ZNF646: variants seen among roughly 807,000 people sequenced by gnomAD.
The protein encoded by ZNF646 is zinc finger protein 646.
In ZNF646, 49 loss-of-function variants were observed where a neutral mutation model predicts 115.4. That is an observed-to-expected ratio of 0.42 (90% CI 0.34 to 0.54). The LOEUF is 0.54. ZNF646 is among the 20% of genes least tolerant of loss of function. The pLI is 0.04. For synonymous variants in ZNF646, 933 were observed against 939.0 expected (o/e 0.99, Z 0.12); for missense variants, 2,269 against 2,457.9 (o/e 0.92, Z 1.62).
rs763801069 is a variant in ZNF646, at chr16:31,080,507, A to C, written c.4183A>C (p.Asn1395His). ...EHEETEREPA[N>H]GQGGLDGTAA... The stretch of plus-strand genomic sequence containing the variant: ...TGAGGAGACAGAAAGGGAGCCAGCC[A>C]ATGGCCAGGGAGGCCTGGATGGCAC... Residue 1395 changes from asparagine (N) to histidine (H), a missense_variant, in exon 2 of 3, where the codon AAT (asparagine) becomes CAT (histidine). By Grantham distance (68) the Asn-to-His change is moderately conservative. This residue lies in a region of ZNF646 where 1,062 missense variants were observed against 1,172.8 expected (regional missense o/e 0.91). Coordinates refer to ENST00000300850, the MANE Select transcript of ZNF646 (RefSeq NM_014699.4). 1 of 1,614,006 alleles carries C rather than the reference A, an allele frequency of 6.2e-7. No individual in the cohort carries two copies. Among genetic ancestry groups the C allele is most frequent in the African/African-American group, 1.3e-5 (1 of 75,072 alleles).
chr16:31,080,977 C>T lies in ZNF646; in HGVS notation c.4653C>T (p.Thr1551=). The part of the protein sequence containing the change: ...CQSGSLLNHN[T]NKTDRHYCLL... ...CAGGCAGCCTCTTGAACCACAACAC[C>T]AACAAGACAGACCGACACTATTGCC... The change falls in exon 2 of 3, where the codon ACC becomes ACT. Residue 1551 remains threonine (T), a synonymous_variant. Transcript: ENST00000300850. 1 of 1,614,104 alleles carries T rather than the reference C, an allele frequency of 6.2e-7. No individual in the cohort carries two copies. Among genetic ancestry groups the T allele is most frequent in the East Asian group, 2.2e-5 (1 of 44,886 alleles).
At position 31,078,888 on chromosome 16, in the gene ZNF646, A is replaced by G. The variant is rs1194811713; in HGVS notation, c.2564A>G (p.Lys855Arg). 6.2e-7 allele frequency: 1 copy of G among 1,613,920 alleles called. No individual in the cohort carries two copies. The highest frequency in any genetic ancestry group is 1.1e-5 in the South Asian group (1 of 91,084). ...PGIYQCSLCP[K>R]EFDSLPALRS... ...ATCTATCAGTGCTCCCTCTGCCCGA[A>G]GGAGTTTGACTCTCTGCCTGCCCTC... Residue 855 changes from lysine to arginine, a missense_variant, in exon 2 of 3, where the codon AAG becomes AGG. Lys to Arg is a conservative substitution (Grantham distance 26). Transcript: ENST00000300850.
In ZNF646 at chr16:31,081,691, G is replaced by A. The variant is rs751452960; in HGVS notation, c.5367G>A (p.Val1789=). 13 of 1,584,736 alleles carry A rather than the reference G, an allele frequency of 8.2e-6. No individual in the cohort carries two copies. In the African/African-American group the frequency reaches 1.6e-4, roughly 20 times the overall value. ...HQQQHQEEWT[V]AGSGAPVAPV... ...AGCAGCACCAGGAGGAGTGGACGGT[G>A]GCCGGCTCCGGTAGGGGGCATGAAG... The change falls in exon 2 of 3, where the codon GTG becomes GTA. Residue 1789 remains valine, a synonymous_variant. Transcript: ENST00000300850.
Position 31,076,409 on chromosome 16 carries a change from C to G in ZNF646, c.85C>G (p.Leu29Val). The G allele has an allele frequency of 4.3e-6, 7 of 1,614,136 alleles. No individual in the cohort carries two copies. Among genetic ancestry groups the G allele is most frequent in the South Asian group, 1.1e-5 (1 of 91,080 alleles). Residue 29 changes from leucine to valine, a missense_variant, in exon 2 of 3, where the codon CTG becomes GTG. By Grantham distance (32) the Leu-to-Val change is conservative. This residue lies in a region of ZNF646 where 334 missense variants were observed against 323.5 expected (regional missense o/e 1.03). Coordinates refer to ENST00000300850, the MANE Select transcript of ZNF646 (RefSeq NM_014699.4). ...SLPELSRHRE[L>V]LHPSPNQDSE... ...CCCAGAGCTCTCTCGGCACCGAGAA[C>G]TGCTCCATCCATCTCCCAACCAGGA...
chr16:31,084,029 A>AGCTGGAGTGGGTTAGAACGGCACGTTCTC lies in ZNF646; in HGVS notation c.*938_*966dup, dbSNP rs1326162984. 2.9e-5 allele frequency: 44 copies of AGCTGGAGTGGGTTAGAACGGCACGTTCTC among 1,505,690 alleles called. No individual in the cohort carries two copies. Among genetic ancestry groups the AGCTGGAGTGGGTTAGAACGGCACGTTCTC allele is most frequent in the Non-Finnish European group, 3.8e-5 (43 of 1,123,250 alleles). 93.3% of individuals were successfully genotyped at this position (1,505,690 alleles called of 1,614,324 possible). ...CCTGTTGCTCCACCCTACCCAAGGC[A>AGCTGGAGTGGGTTAGAACGGCACGTTCTC]GCTGGAGTGGGTTAGAACGGCACGT... is the stretch of plus-strand genomic sequence containing the variant. On this transcript the variant is annotated 3_prime_UTR_variant, in exon 3 of 3. Transcript: ENST00000300850.
chr16:31,080,088 C>T lies in ZNF646; in HGVS notation c.3764C>T (p.Pro1255Leu), dbSNP rs781082765. ...AACCACCGGCGCATCCATGCAGATC[C>T]CCGACGTTTCCGCTGCAGCGAGTGT... ...LKNHRRIHAD[P>L]RRFRCSECGK... The change falls in exon 2 of 3, where the codon CCC becomes CTC. Residue 1255 changes from proline to leucine, a missense_variant. Coordinates refer to ENST00000300850, the MANE Select transcript of ZNF646 (RefSeq NM_014699.4). 2.5e-6 allele frequency: 4 copies of T among 1,613,234 alleles called. No homozygotes were observed. Among genetic ancestry groups the T allele is most frequent in the African/African-American group, 1.3e-5 (1 of 75,046 alleles).
rs761655839 is a variant in ZNF646, at chr16:31,079,939, C to T, written c.3615C>T (p.Cys1205=). 15 of 1,611,930 alleles carry T rather than the reference C, an allele frequency of 9.3e-6. No homozygotes were observed. Among genetic ancestry groups the T allele is most frequent in the Non-Finnish European group, 1.3e-5 (15 of 1,178,722 alleles). Reference sequence around the variant, plus strand: ...CCAGCTCTGAGCGGCCCTTCAGCTGCGAGGTGTGTGGCCGATCCTACAAGC... The same window carrying T: ...CCAGCTCTGAGCGGCCCTTCAGCTGTGAGGTGTGTGGCCGATCCTACAAGC... ...TEASSERPFS[C]EVCGRSYKHA... The change falls in exon 2 of 3, where the codon TGC becomes TGT. Residue 1205 remains cysteine (C), a synonymous_variant. Coordinates refer to ENST00000300850, the MANE Select transcript of ZNF646 (RefSeq NM_014699.4). This position sits in a 1 kb window ranked among gnomAD's most constrained non-coding sequence, Gnocchi z 5.5.
At position 31,076,677 on chromosome 16, in the gene ZNF646, A is replaced by G; in HGVS notation, c.353A>G (p.Gln118Arg). ...CCCAAGGAAGCCACTCCACACCTCC[A>G]GGGTGAGACGGTGTCCACTGACTCC... Reference protein sequence around the residue: ...PRPKEATPHLQGETVSTDSWG... With the variant: ...PRPKEATPHLRGETVSTDSWG... The change falls in exon 2 of 3, where the codon CAG (glutamine) becomes CGG (arginine). Residue 118 changes from glutamine (Q) to arginine (R), a missense_variant. By Grantham distance (43) the Gln-to-Arg change is conservative (BLOSUM62 1). Around this residue, in one of 5 missense-constraint regions of ZNF646, gnomAD observed 334 missense variants for 323.5 expected, o/e 1.03. Coordinates refer to ENST00000300850, the MANE Select transcript of ZNF646 (RefSeq NM_014699.4). 1 of 1,613,314 alleles carries G rather than the reference A, an allele frequency of 6.2e-7. No individual in the cohort carries two copies. Among genetic ancestry groups the G allele is most frequent in the East Asian group, 2.2e-5 (1 of 44,882 alleles).
chr16:31,074,004 G>GCCA (rs1221874267), upstream of ZNF646: 1 of 152,276 alleles, frequency 6.6e-6, no homozygotes, highest in African/African-American at 2.4e-5. Flanking sequence ...GGACAAAAAG[G>GCCA]CCATGCTCAA....
At chr16:31,075,696 C>T (rs2057068178) in intron 1 of ZNF646, among the ~76,000 whole-genome samples, 1 of 152,182 alleles carries the variant, frequency 6.6e-6, no homozygotes, top group Non-Finnish European at 1.5e-5. Flanking sequence ...CAAGCCAGCC[C>T]TTTCCCTGAA....
rs765553831 is a variant in ZNF646 at position 31,081,657 on chromosome 16, A to G, written c.5333A>G (p.Gln1778Arg). Residue 1778 changes from glutamine to arginine, a missense_variant, in exon 2 of 3, where the codon CAG (glutamine) becomes CGG (arginine). Coordinates refer to ENST00000300850, the MANE Select transcript of ZNF646 (RefSeq NM_014699.4). The stretch of plus-strand genomic sequence containing the variant: ...TTCCGCCGCCGAATCAGCTTCGTGC[A>G]GCACCAGCAGCAGCACCAGGAGGAG... ...RHFRRRISFV[Q>R]HQQQHQEEWT... The G allele has an allele frequency of 2.5e-6, 4 of 1,604,124 alleles. No homozygotes were observed. In the South Asian group the frequency reaches 3.3e-5, roughly 13 times the overall value.
rs2057128521 is a variant in ZNF646, at chr16:31,079,672, G to A, written c.3348G>A (p.Glu1116=). The A allele has an allele frequency of 5.0e-6, 8 of 1,613,228 alleles. No individual in the cohort carries two copies. The highest frequency in any genetic ancestry group is 1.3e-5 in the African/African-American group (1 of 74,838). The part of the protein sequence containing the change: ...GSEPQVGPIP[E]AAGSSELQVG... ...AGCCCCAGGTTGGGCCCATCCCAGA[G>A]GCAGCAGGTAGCAGTGAGCTGCAGG... is the stretch of plus-strand genomic sequence containing the variant. The change falls in exon 2 of 3, where the codon GAG becomes GAA. Residue 1116 remains glutamate (E), a synonymous_variant. Coordinates refer to ENST00000300850, the MANE Select transcript of ZNF646 (RefSeq NM_014699.4). The surrounding 1 kb of genome is among the most constrained non-coding windows in gnomAD (Gnocchi z 5.5).
Position 31,083,128 on chromosome 16 carries a change from G to C in ZNF646, c.*36G>C. On this transcript the variant is annotated 3_prime_UTR_variant, in exon 3 of 3. Coordinates refer to ENST00000300850, the MANE Select transcript of ZNF646 (RefSeq NM_014699.4). ...TCCAAAGATCAGAATCTGGGGGAGG[G>C]AGCGCGTGCAGGGAGGGGCTTGATC... 6.3e-7 allele frequency: 1 copy of C among 1,592,162 alleles called. No homozygotes were observed. The highest frequency in any genetic ancestry group is 8.5e-7 in the Non-Finnish European group (1 of 1,172,014).
At position 31,083,555 on chromosome 16, in the gene ZNF646, A is replaced by G; in HGVS notation, c.*463A>G. The G allele has an allele frequency of 1.4e-6, 2 of 1,431,080 alleles. No homozygotes were observed. The highest frequency in any genetic ancestry group is 5.9e-5 in the Admixed American group (2 of 33,746). 88.6% of individuals were successfully genotyped at this position (1,431,080 alleles called of 1,614,324 possible). Reference sequence around the variant, plus strand: ...TATCTGAAAGGGTAAAGGAGGAGGAAAGCTGAGACGCCTGCTTGGTAGCAG... The same window carrying G: ...TATCTGAAAGGGTAAAGGAGGAGGAGAGCTGAGACGCCTGCTTGGTAGCAG... On this transcript the variant is annotated 3_prime_UTR_variant, in exon 3 of 3. Transcript: ENST00000300850.
Position 31,083,210 on chromosome 16 carries a change from G to A in ZNF646, c.*118G>A. The A allele has an allele frequency of 1.4e-6, 2 of 1,425,558 alleles. No individual in the cohort carries two copies. Among genetic ancestry groups the A allele is most frequent in the Non-Finnish European group, 1.9e-6 (2 of 1,071,954 alleles). 88.3% of individuals were successfully genotyped at this position (1,425,558 alleles called of 1,614,324 possible). A position where few individuals can be genotyped will look rare whatever the true frequency, so the allele number is the denominator to read the frequency against. ...CCCATATCTTCTCCTCTCCCCTTGT[G>A]AAGAGGACCCAGATCTGGCTTCTTT... On this transcript the variant is annotated 3_prime_UTR_variant, in exon 3 of 3. Transcript: ENST00000300850.
rs1248142337 is a variant in ZNF646 at position 31,079,565 on chromosome 16, T to C, written c.3241T>C (p.Cys1081Arg). ...GATCCACCAGACTGGAGACTTTCTCTGCCCTGTCTGCTCCCGCTGCTACCC... is the reference window on the plus strand; with the variant it reads ...GATCCACCAGACTGGAGACTTTCTCCGCCCTGTCTGCTCCCGCTGCTACCC... The part of the protein sequence containing the change: ...RKIHQTGDFL[C>R]PVCSRCYPNL... Residue 1081 changes from cysteine (C) to arginine (R), a missense_variant, in exon 2 of 3, where the codon TGC becomes CGC. By Grantham distance (180) the Cys-to-Arg change is radical. Transcript: ENST00000300850. The surrounding 1 kb of genome is among the most constrained non-coding windows in gnomAD (Gnocchi z 5.5). The C allele has an allele frequency of 1.2e-6, 2 of 1,613,304 alleles. No individual in the cohort carries two copies. The highest frequency in any genetic ancestry group is 1.1e-5 in the South Asian group (1 of 91,086).
chr16:31,077,438 C>G lies in ZNF646; in HGVS notation c.1114C>G (p.Arg372Gly). Residue 372 changes from arginine (R) to glycine (G), a missense_variant, in exon 2 of 3, where the codon CGG (arginine) becomes GGG (glycine). By Grantham distance (125) the Arg-to-Gly change is moderately radical (BLOSUM62 -2). Coordinates refer to ENST00000300850, the MANE Select transcript of ZNF646 (RefSeq NM_014699.4). ...ELEDSGLEEY[R>G]PFRCGDCGRT... ...GGAGGACAGTGGCCTGGAGGAATAC[C>G]GGCCTTTCCGCTGTGGGGACTGTGG... 6.2e-7 allele frequency: 1 copy of G among 1,613,086 alleles called. No homozygotes were observed. Among genetic ancestry groups the G allele is most frequent in the Non-Finnish European group, 8.5e-7 (1 of 1,179,878 alleles).
At position 31,077,522 on chromosome 16, in the gene ZNF646, G is replaced by A. The variant is rs745306835; in HGVS notation, c.1198G>A (p.Val400Ile). The stretch of plus-strand genomic sequence containing the variant: ...CCATCGAAAGAGCCACCAGACAGGT[G>A]TCTACCCCTGCTCACTCTGTTCTAA... ...INHRKSHQTG[V>I]YPCSLCSKQL... The change falls in exon 2 of 3, where the codon GTC (valine) becomes ATC (isoleucine). Residue 400 changes from valine to isoleucine, a missense_variant. Physicochemically the swap from Val to Ile is conservative, Grantham distance 29. Transcript: ENST00000300850. 1 of 1,613,480 alleles carries A rather than the reference G, an allele frequency of 6.2e-7. No homozygotes were observed. Among genetic ancestry groups the A allele is most frequent in the Non-Finnish European group, 8.5e-7 (1 of 1,179,870 alleles).
At chr16:31,073,892 T>C (rs2057040844), upstream of ZNF646, 1 of 152,132 alleles carries the variant, frequency 6.6e-6, no homozygotes, top group Non-Finnish European at 1.5e-5. Context: ...TCTCTGTGTG[T>C]GCTGAGGCAA....
Sources: allele counts gnomAD v4.1 joint callset (sites outside exome capture counted in the v4.1 genomes callset), GRCh38; gene constraint gnomAD v4.1.1; regional missense constraint gnomAD v4.1.1; non-coding constraint Gnocchi (gnomAD v3.1); transcripts MANE v1.5; gene names NCBI Gene and HGNC (gene_info 2026-07-23, HGNC 2026-07-21).